CHST9: variants seen among roughly 807,000 people sequenced by gnomAD.
The protein encoded by CHST9 is GalNAc-4-sulfotransferase 2.
A neutral mutation model predicts 44.4 loss-of-function variants in CHST9; 41 were observed. The observed-to-expected ratio is 0.92, with a 90% CI of 0.72 to 1.20. CHST9 has a LOEUF of 1.20. Among genes scored for constraint, CHST9 ranks in the 50% most tolerant of loss-of-function variants. CHST9 has a pLI of 0.00. For missense variants in CHST9, 504 were observed against 516.5 expected (o/e 0.98, Z 0.23); for synonymous variants, 171 against 178.4 (o/e 0.96, Z 0.33).
intron 2 of CHST9, among the ~76,000 whole-genome samples, chr18:27,119,720 C>G (rs2058358903): frequency 6.6e-6 from 1 of 150,986 alleles, no homozygotes; most frequent in Non-Finnish European, 1.5e-5. Flanking sequence ...TCTTTCACAC[C>G]TTTTTCTTTT....
intron 4 of CHST9, among the ~76,000 whole-genome samples, chr18:26,973,673 G>A (rs1191347689): frequency 6.6e-6 from 1 of 152,170 alleles, no homozygotes; most frequent in Non-Finnish European, 1.5e-5. Context: ...TGTGGTCCAA[G>A]GAAGTCAAAA....
At chr18:26,929,726 G>A (rs2055841273) in intron 5 of CHST9, among the ~76,000 whole-genome samples, 3 of 152,256 alleles carry the variant, frequency 2.0e-5, no homozygotes, top group African/African-American at 4.8e-5. Flanking sequence ...TGGAAAATAT[G>A]GAGAGTGGCC....
chr18:27,024,054 T>C (rs1286188578), intron 4 of CHST9, 62 bp downstream of exon 4: 3 of 1,459,766 alleles, frequency 2.1e-6, no homozygotes, highest in Non-Finnish European at 2.9e-6. Context: ...TCAGATATTC[T>C]AGTTGTTGCT....
chr18:26,912,473 C>G lies in CHST9; in HGVS notation c.*3786G>C, dbSNP rs1338652345. On this transcript the variant is annotated 3_prime_UTR_variant, in exon 6 of 6. Coordinates refer to ENST00000618847, the MANE Select transcript of CHST9 (RefSeq NM_031422.6). ...TCCAATATATTGTTTTTGCCTCTAC[C>G]TATCCTGAATAGAGGTAACGGAAAG... 2 of 151,806 alleles carry G rather than the reference C, an allele frequency of 1.3e-5. No homozygotes were observed. Among genetic ancestry groups the G allele is most frequent in the African/African-American group, 4.8e-5 (2 of 41,282 alleles). 9.4% of individuals were successfully genotyped at this position (151,806 alleles called of 1,614,324 possible).
At chr18:26,954,134 T>A (rs2056289635) in intron 4 of CHST9, among the ~76,000 whole-genome samples, 1 of 152,040 alleles carries the variant, frequency 6.6e-6, no homozygotes, top group Admixed American at 6.6e-5. Context: ...AGGGCCAATA[T>A]GGTGATCTGA....
intron 4 of CHST9, among the ~76,000 whole-genome samples, chr18:27,014,099 A>G (rs1307807873): frequency 2.0e-5 from 3 of 152,202 alleles, no homozygotes; most frequent in Non-Finnish European, 2.9e-5. Context: ...ACAAGCCTAC[A>G]AGAACATGTG....
At chr18:26,995,422 A>G in intron 4 of CHST9, among the ~76,000 whole-genome samples, 1 of 137,912 alleles carries the variant, frequency 7.3e-6, no homozygotes, top group African/African-American at 2.8e-5. Context: ...CGGGTGACAG[A>G]GCGAGACTCC....
At chr18:26,974,667 C>CT (rs1255259025) in intron 4 of CHST9, among the ~76,000 whole-genome samples, 23 of 146,434 alleles carry the variant, frequency 1.6e-4, no homozygotes, top group East Asian at 7.9e-4. Flanking sequence ...TATTTTCTTT[C>CT]TTTTTTTTTT....
intron 2 of CHST9, among the ~76,000 whole-genome samples, chr18:27,141,420 G>A (rs776264064): frequency 3.3e-5 from 5 of 150,674 alleles, no homozygotes; most frequent in South Asian, 2.1e-4. Flanking sequence ...GTGAAACCCC[G>A]TCTCTACAAA....
chr18:27,051,418 C>CA (rs916053603), intron 2 of CHST9, among the ~76,000 whole-genome samples: 2 of 152,124 alleles, frequency 1.3e-5, no homozygotes, highest in Non-Finnish European at 2.9e-5. Flanking sequence ...GACCCCATCT[C>CA]AAAAAACAAA....
Position 26,992,155 on chromosome 18 carries a change from C to T in CHST9, c.202+31961G>A, listed in dbSNP as rs1007601425. Among the ~76,000 whole-genome samples the T allele has an allele frequency of 1.6e-5, 2 of 127,136 alleles. 1 individual carries two copies. Among genetic ancestry groups the T allele is most frequent in the Non-Finnish European group, 3.6e-5 (2 of 55,716 alleles). 83.4% of individuals were successfully genotyped at this position (127,136 alleles called of 152,430 possible). On this transcript the variant is annotated intron_variant, in intron 4 of 5. Transcript: ENST00000618847. ...CCCACACATCCTAGATTCTCACTTT[C>T]CCAGAATCCACAAAGATGGGGCACA...
intron 2 of CHST9, among the ~76,000 whole-genome samples, chr18:27,081,070 G>A (rs1232903196): frequency 6.6e-6 from 1 of 152,136 alleles, no homozygotes; most frequent in African/African-American, 2.4e-5. Context: ...AAAACATCTG[G>A]GGCAGAATGT....
chr18:26,918,609 C>T (rs1035962280), intron 5 of CHST9, among the ~76,000 whole-genome samples: 1 of 152,018 alleles, frequency 6.6e-6, no homozygotes, highest in Non-Finnish European at 1.5e-5. Flanking sequence ...ATAATAATTT[C>T]TCTCAAATAT....
At chr18:27,042,533 C>A (rs947082268) in intron 3 of CHST9, among the ~76,000 whole-genome samples, 1 of 152,070 alleles carries the variant, frequency 6.6e-6, no homozygotes, top group Non-Finnish European at 1.5e-5. Flanking sequence ...AAGCTGGCTC[C>A]AGCAAGCCAC....
intron 2 of CHST9, among the ~76,000 whole-genome samples, chr18:27,091,922 C>T (rs981921644): frequency 6.6e-6 from 1 of 152,084 alleles, no homozygotes; most frequent in South Asian, 2.1e-4. Context: ...TTTGTTGTGT[C>T]TCTGCCAGGC....
chr18:26,943,915 T>C (rs923282035), intron 5 of CHST9, among the ~76,000 whole-genome samples: 1 of 152,074 alleles, frequency 6.6e-6, no homozygotes, highest in Non-Finnish European at 1.5e-5. Context: ...TTCTTAGCTG[T>C]TTGGGAGGCA....
rs142053281 is a variant in CHST9, at chr18:26,913,926, C to A, written c.*2333G>T. 2.6e-5 allele frequency: 4 copies of A among 152,254 alleles called. No individual in the cohort carries two copies. The East Asian group carries it at 7.7e-4, about 29-fold the overall frequency. The allele number at this position is 152,254 out of a possible 1,614,324, so 9.4% of individuals were successfully genotyped here. A position where few individuals can be genotyped will look rare whatever the true frequency, so the allele number is the denominator to read the frequency against. On this transcript the variant is annotated 3_prime_UTR_variant, in exon 6 of 6. Transcript: ENST00000618847. ...AGCCATCTAAAATGAAGAGCAGGTA[C>A]ATAAAAAGTTTGTTCTTACTTGGCA...
intron 4 of CHST9, among the ~76,000 whole-genome samples, chr18:27,005,393 G>A (rs1391807449): frequency 6.6e-6 from 1 of 152,046 alleles, no homozygotes; most frequent in East Asian, 1.9e-4. Flanking sequence ...AAAATTTGGT[G>A]GAACCGATCT....
intron 4 of CHST9, among the ~76,000 whole-genome samples, chr18:26,966,813 G>T (rs1020767008): frequency 3.3e-5 from 5 of 150,422 alleles, no homozygotes; most frequent in African/African-American, 9.8e-5. Flanking sequence ...AGGATTTCTG[G>T]TTGTCCCTGG....
Sources: gnomAD v4.1 joint callset for allele counts (sites outside exome capture counted in the v4.1 genomes callset) on GRCh38, gnomAD v4.1.1 for gene constraint, MANE v1.5 for transcripts, NCBI Gene and HGNC (gene_info 2026-07-23, HGNC 2026-07-21) for gene names.